The following KBTBD13 variants were observed in gnomAD, a reference collection of about 807,000 sequenced individuals.
KBTBD13 encodes kelch repeat and BTB domain-containing protein 13.
In KBTBD13, 32 loss-of-function variants were observed where a neutral mutation model predicts 25.4. That is an observed-to-expected ratio of 1.26 (90% CI 0.95 to 1.69). KBTBD13 has a LOEUF of 1.69. Ranked by LOEUF, KBTBD13 falls within the 40% of genes most tolerant of loss-of-function variation. The pLI, the probability that KBTBD13 is intolerant of heterozygous loss-of-function variation, is 0.00. For synonymous variants in KBTBD13, 436 were observed against 329.8 expected (o/e 1.32, Z -3.49); for missense variants, 898 against 679.5 (o/e 1.32, Z -3.57).
rs568613948 is a variant in KBTBD13, at chr15:65,077,784, C to G, written c.969C>G (p.Tyr323Ter). ...CCGACACCACCGCCGTGGTGGAGTA[C>G]GCAGTGCGGACCGACGCGTGGCTGC... ...RPADTTAVVE[Y>*]AVRTDAWLPV... The change falls in exon 1 of 1, where the codon TAC becomes TAG. Residue 323 changes from tyrosine to a stop codon, truncating the protein, a stop_gained. Coordinates refer to ENST00000432196, the MANE Select transcript of KBTBD13 (RefSeq NM_001101362.3). LOFTEE classifies it high-confidence loss of function. 3.1e-6 allele frequency: 5 copies of G among 1,587,698 alleles called. No individual in the cohort carries two copies. The South Asian group carries it at 3.4e-5, about 11-fold the overall frequency.
Position 65,077,304 on chromosome 15 carries a change from C to T in KBTBD13, c.489C>T (p.His163=). 2 of 1,413,042 alleles carry T rather than the reference C, an allele frequency of 1.4e-6. No individual in the cohort carries two copies. Among genetic ancestry groups the T allele is most frequent in the Non-Finnish European group, 1.8e-6 (2 of 1,088,398 alleles). The allele number at this position is 1,413,042 out of a possible 1,614,324, so 87.5% of individuals were successfully genotyped here. Reference sequence around the variant, plus strand: ...GCAGCTACGCGGCCGTGAGCACGCACACGCCCGCGCCCGGCTTCCTGGAGG... The same window carrying T: ...GCAGCTACGCGGCCGTGAGCACGCATACGCCCGCGCCCGGCTTCCTGGAGG... ...RPSSYAAVST[H]TPAPGFLEDA... is the part of the protein sequence containing the mutation. Residue 163 remains histidine (H), a synonymous_variant, in exon 1 of 1, where the codon CAC becomes CAT. Coordinates refer to ENST00000432196, the MANE Select transcript of KBTBD13 (RefSeq NM_001101362.3).
rs760757402 is a variant in KBTBD13 at position 65,076,937 on chromosome 15, G to T, written c.122G>T (p.Arg41Leu). Reference sequence around the variant, plus strand: ...CGAGGCCTCTTCCGCTCCGGCATGCGGGAGACCCGCGCAGCAGAGGTGCGC... The same window carrying T: ...CGAGGCCTCTTCCGCTCCGGCATGCTGGAGACCCGCGCAGCAGAGGTGCGC... ...FFRGLFRSGMRETRAAEVRLG... is the reference protein window; with the variant it reads ...FFRGLFRSGMLETRAAEVRLG... The change falls in exon 1 of 1, where the codon CGG becomes CTG. Residue 41 changes from arginine (R) to leucine (L), a missense_variant. By Grantham distance (102) the Arg-to-Leu change is moderately radical (BLOSUM62 -2). Transcript: ENST00000432196. 6.4e-7 allele frequency: 1 copy of T among 1,556,740 alleles called. No individual in the cohort carries two copies. Among genetic ancestry groups the T allele is most frequent in the East Asian group, 2.4e-5 (1 of 42,304 alleles).
In KBTBD13 at chr15:65,077,555, C is replaced by A. The variant is rs761257003; in HGVS notation, c.740C>A (p.Pro247Gln). Residue 247 changes from proline to glutamine, a missense_variant, in exon 1 of 1, where the codon CCG (proline) becomes CAG (glutamine). Transcript: ENST00000432196. ...CACGAGTTCCCCAGCCCGCACCAGC[C>A]GCGCTATGACACAGCGCTGGCCGGC... ...TWHEFPSPHQPRYDTALAGFD... is the reference protein window; with the variant it reads ...TWHEFPSPHQQRYDTALAGFD... 6.5e-7 allele frequency: 1 copy of A among 1,542,124 alleles called. No individual in the cohort carries two copies. Among genetic ancestry groups the A allele is most frequent in the Non-Finnish European group, 8.7e-7 (1 of 1,148,904 alleles).
rs2140545087 is a variant in KBTBD13, at chr15:65,077,708, T to A, written c.893T>A (p.Val298Glu). ...VADLPQPAAG[V>E]PCAQACGRLF... The stretch of plus-strand genomic sequence containing the variant: ...GACCTGCCGCAGCCGGCCGCCGGCG[T>A]GCCCTGCGCCCAGGCTTGTGGCCGT... The change falls in exon 1 of 1, where the codon GTG becomes GAG. Residue 298 changes from valine (V) to glutamate (E), a missense_variant. Physicochemically the swap from Val to Glu is moderately radical, Grantham distance 121. Transcript: ENST00000432196. 1 of 1,583,052 alleles carries A rather than the reference T, an allele frequency of 6.3e-7. No individual in the cohort carries two copies. The highest frequency in any genetic ancestry group is 1.3e-5 in the African/African-American group (1 of 74,430).
Position 65,077,510 on chromosome 15 carries a change from A to G in KBTBD13, c.695A>G (p.Asp232Gly). The part of the protein sequence containing the change: ...KEVVELGFCY[D>G]PDGGTWHEFP... Reference sequence around the variant, plus strand: ...GTGGTAGAGCTGGGCTTCTGCTACGACCCCGACGGCGGCACGTGGCACGAG... The same window carrying G: ...GTGGTAGAGCTGGGCTTCTGCTACGGCCCCGACGGCGGCACGTGGCACGAG... The change falls in exon 1 of 1, where the codon GAC (aspartate) becomes GGC (glycine). Residue 232 changes from aspartate (D) to glycine (G), a missense_variant. Coordinates refer to ENST00000432196, the MANE Select transcript of KBTBD13 (RefSeq NM_001101362.3). The G allele has an allele frequency of 2.0e-6, 3 of 1,522,286 alleles. No homozygotes were observed. The highest frequency in any genetic ancestry group is 2.5e-5 in the East Asian group (1 of 40,450). 94.3% of individuals were successfully genotyped at this position (1,522,286 alleles called of 1,614,324 possible).
chr15:65,077,701 G>T lies in KBTBD13; in HGVS notation c.886G>T (p.Ala296Ser), dbSNP rs777812954. The change falls in exon 1 of 1, where the codon GCC (alanine) becomes TCC (serine). Residue 296 changes from alanine to serine, a missense_variant. Ala to Ser is a moderately conservative substitution (Grantham distance 99). Coordinates refer to ENST00000432196, the MANE Select transcript of KBTBD13 (RefSeq NM_001101362.3). Reference protein sequence around the residue: ...SFVADLPQPAAGVPCAQACGR... With the variant: ...SFVADLPQPASGVPCAQACGR... ...CGTGGCCGACCTGCCGCAGCCGGCC[G>T]CCGGCGTGCCCTGCGCCCAGGCTTG... The T allele has an allele frequency of 1.3e-6, 2 of 1,578,356 alleles. No homozygotes were observed. The highest frequency in any genetic ancestry group is 2.3e-5 in the East Asian group (1 of 43,898).
chr15:65,077,424 G>A lies in KBTBD13; in HGVS notation c.609G>A (p.Gly203=), dbSNP rs755363956. The A allele has an allele frequency of 4.6e-6, 7 of 1,528,174 alleles. No homozygotes were observed. The Admixed American group carries it at 1.2e-4, about 26-fold the overall frequency. The allele number at this position is 1,528,174 out of a possible 1,614,324, so 94.7% of individuals were successfully genotyped here. Residue 203 remains glycine (G), a synonymous_variant, in exon 1 of 1, where the codon GGG becomes GGA. Transcript: ENST00000432196. ...TGGAGGCCAGCACGTTGCTGGCCGG[G>A]GTGGCCACGCTGGGCAACAAGCTTT... is the stretch of plus-strand genomic sequence containing the variant. ...LPLEASTLLA[G]VATLGNKLYI... is the part of the protein sequence containing the mutation.
In KBTBD13 at chr15:65,077,573, TGGCCGGCTTCGACGGCCGCCTCTA is replaced by T; in HGVS notation, c.759_782del (p.Gly255_Ala262del). 6.4e-7 allele frequency: 1 copy of T among 1,558,600 alleles called. No homozygotes were observed. The highest frequency in any genetic ancestry group is 1.2e-5 in the South Asian group (1 of 85,768). On this transcript the variant is annotated inframe_deletion, in exon 1 of 1. Coordinates refer to ENST00000432196, the MANE Select transcript of KBTBD13 (RefSeq NM_001101362.3). Reference sequence around the variant, plus strand: ...CACCAGCCGCGCTATGACACAGCGCTGGCCGGCTTCGACGGCCGCCTCTACGCCATCGGCGGCGAATTCCAGAGG... The same window carrying T: ...CACCAGCCGCGCTATGACACAGCGCTCGCCATCGGCGGCGAATTCCAGAGG...
rs1053769950 is a variant in KBTBD13 at position 65,078,465 on chromosome 15, G to A, written c.*273G>A. On this transcript the variant is annotated 3_prime_UTR_variant, in exon 1 of 1. Transcript: ENST00000432196. ...GGATTTGAATAATCCGGGCTTATAT[G>A]TAATGGGCTAGTGATTGAGCATCGC... 6.6e-6 allele frequency among the ~76,000 whole-genome samples: 1 copy of A among 152,198 alleles called. No individual in the cohort carries two copies. Among genetic ancestry groups the A allele is most frequent in the African/African-American group, 2.4e-5 (1 of 41,446 alleles).
rs770172865 is a variant in KBTBD13, at chr15:65,077,076, C to A, written c.261C>A (p.Phe87Leu). The change falls in exon 1 of 1, where the codon TTC (phenylalanine) becomes TTA (leucine). Residue 87 changes from phenylalanine (F) to leucine (L), a missense_variant. Coordinates refer to ENST00000432196, the MANE Select transcript of KBTBD13 (RefSeq NM_001101362.3). ...TGCAGGCCGTGGAGTGCGCCGCCTT[C>A]CTCCAGGCGCCGGCGCTGGCTCGCT... The part of the protein sequence containing the change: ...ELLQAVECAA[F>L]LQAPALARFL... 2.0e-6 allele frequency: 3 copies of A among 1,515,472 alleles called. No homozygotes were observed. The highest frequency in any genetic ancestry group is 2.6e-6 in the Non-Finnish European group (3 of 1,133,996). The allele number at this position is 1,515,472 out of a possible 1,614,324, so 93.9% of individuals were successfully genotyped here. A position where few individuals can be genotyped will look rare whatever the true frequency, so the allele number is the denominator to read the frequency against.
chr15:65,077,848 T>C lies in KBTBD13; in HGVS notation c.1033T>C (p.Cys345Arg). ...ELRRPQSYGHCMVAHRDSLYV... is the reference protein window; with the variant it reads ...ELRRPQSYGHRMVAHRDSLYV... ...GCGGCGTCCGCAGAGCTATGGCCAC[T>C]GCATGGTGGCCCACCGCGACAGCCT... The change falls in exon 1 of 1, where the codon TGC (cysteine) becomes CGC (arginine). Residue 345 changes from cysteine to arginine, a missense_variant. Cys to Arg is a radical substitution (Grantham distance 180, BLOSUM62 -3). Transcript: ENST00000432196. 6.2e-7 allele frequency: 1 copy of C among 1,610,586 alleles called. No homozygotes were observed. Among genetic ancestry groups the C allele is most frequent in the Non-Finnish European group, 8.5e-7 (1 of 1,179,678 alleles).
At position 65,077,403 on chromosome 15, in the gene KBTBD13, G is replaced by A. The variant is rs2086991061; in HGVS notation, c.588G>A (p.Glu196=). Residue 196 remains glutamate (E), a synonymous_variant, in exon 1 of 1, where the codon GAG becomes GAA. Coordinates refer to ENST00000432196, the MANE Select transcript of KBTBD13 (RefSeq NM_001101362.3). ...GCACGCTGGCTGCGCTGCCCCTGGA[G>A]GCCAGCACGTTGCTGGCCGGGGTGG... ...AWRTLAALPL[E]ASTLLAGVAT... 12 of 1,525,856 alleles carry A rather than the reference G, an allele frequency of 7.9e-6. No homozygotes were observed. Among genetic ancestry groups the A allele is most frequent in the Non-Finnish European group, 8.8e-6 (10 of 1,140,792 alleles). The allele number at this position is 1,525,856 out of a possible 1,614,324, so 94.5% of individuals were successfully genotyped here. A position where few individuals can be genotyped will look rare whatever the true frequency, so the allele number is the denominator to read the frequency against.
At position 65,077,260 on chromosome 15, in the gene KBTBD13, G is replaced by A. The variant is rs932198141; in HGVS notation, c.445G>A (p.Val149Met). 2.2e-5 allele frequency: 31 copies of A among 1,403,586 alleles called. No homozygotes were observed. The highest frequency in any genetic ancestry group is 2.9e-5 in the Non-Finnish European group (31 of 1,084,542). 86.9% of individuals were successfully genotyped at this position (1,403,586 alleles called of 1,614,324 possible). Residue 149 changes from valine to methionine, a missense_variant, in exon 1 of 1, where the codon GTG (valine) becomes ATG (methionine). Val to Met is a conservative substitution (Grantham distance 21). Transcript: ENST00000432196. ...ELALPEARAY[V>M]AALRPSSYAA... Reference sequence around the variant, plus strand: ...GGCGCTGCCTGAGGCCCGCGCCTACGTGGCGGCCCTGCGGCCCAGCAGCTA... The same window carrying A: ...GGCGCTGCCTGAGGCCCGCGCCTACATGGCGGCCCTGCGGCCCAGCAGCTA...
rs1246417118 is a variant in KBTBD13, at chr15:65,079,802, C to T, written c.*1610C>T. The stretch of plus-strand genomic sequence containing the variant: ...GACACCTCCGGGGCATGGAGGCTCG[C>T]GCCAGGGCTGCACCTAGCTGCCTCT... On this transcript the variant is annotated 3_prime_UTR_variant, in exon 1 of 1. Transcript: ENST00000432196. Among the ~76,000 whole-genome samples, 2 of 152,220 alleles carry T rather than the reference C, an allele frequency of 1.3e-5. No individual in the cohort carries two copies. Among genetic ancestry groups the T allele is most frequent in the African/African-American group, 4.8e-5 (2 of 41,442 alleles).
At position 65,077,971 on chromosome 15, in the gene KBTBD13, T is replaced by G; in HGVS notation, c.1156T>G (p.Phe386Val). The change falls in exon 1 of 1, where the codon TTC becomes GTC. Residue 386 changes from phenylalanine (F) to valine (V), a missense_variant. Physicochemically the swap from Phe to Val is conservative, Grantham distance 50. Coordinates refer to ENST00000432196, the MANE Select transcript of KBTBD13 (RefSeq NM_001101362.3). ...CCAGTGGACGGCGCTGCCCGGCCAG[T>G]TCGTCAACAGCAAGGGAGCGCTCTT... ...TGQWTALPGQ[F>V]VNSKGALFTA... is the part of the protein sequence containing the mutation. 1 of 1,611,090 alleles carries G rather than the reference T, an allele frequency of 6.2e-7. No individual in the cohort carries two copies. Among genetic ancestry groups the G allele is most frequent in the Non-Finnish European group, 8.5e-7 (1 of 1,179,804 alleles).
rs1345547708 is a variant in KBTBD13, at chr15:65,077,274, G to A, written c.459G>A (p.Arg153=). Residue 153 remains arginine, a synonymous_variant, in exon 1 of 1, where the codon CGG becomes CGA. Coordinates refer to ENST00000432196, the MANE Select transcript of KBTBD13 (RefSeq NM_001101362.3). The part of the protein sequence containing the change: ...PEARAYVAAL[R]PSSYAAVSTH... ...CCCGCGCCTACGTGGCGGCCCTGCGGCCCAGCAGCTACGCGGCCGTGAGCA... is the reference window on the plus strand; with the variant it reads ...CCCGCGCCTACGTGGCGGCCCTGCGACCCAGCAGCTACGCGGCCGTGAGCA... The A allele has an allele frequency of 7.1e-7, 1 of 1,400,186 alleles. No homozygotes were observed. Among genetic ancestry groups the A allele is most frequent in the Non-Finnish European group, 9.2e-7 (1 of 1,083,552 alleles). The allele number at this position is 1,400,186 out of a possible 1,614,324, so 86.7% of individuals were successfully genotyped here. A position where few individuals can be genotyped will look rare whatever the true frequency, so the allele number is the denominator to read the frequency against.
At position 65,079,102 on chromosome 15, in the gene KBTBD13, G is replaced by A. The variant is rs865802126; in HGVS notation, c.*910G>A. 1.3e-4 allele frequency among the ~76,000 whole-genome samples: 20 copies of A among 152,220 alleles called. No individual in the cohort carries two copies. Among genetic ancestry groups the A allele is most frequent in the African/African-American group, 4.8e-4 (20 of 41,446 alleles). ...GTTCCTTTTTGGAACCCTTAGGGGA[G>A]CACCCAGGTGTAAGCCCTTGCCCAC... On this transcript the variant is annotated 3_prime_UTR_variant, in exon 1 of 1. Coordinates refer to ENST00000432196, the MANE Select transcript of KBTBD13 (RefSeq NM_001101362.3).
In KBTBD13 at chr15:65,077,145, C is replaced by A. The variant is rs1198648901; in HGVS notation, c.330C>A (p.Cys110Ter). The change falls in exon 1 of 1, where the codon TGC becomes TGA. Residue 110 changes from cysteine to a stop codon, truncating the protein, a stop_gained. Transcript: ENST00000432196. LOFTEE classifies it high-confidence loss of function. The part of the protein sequence containing the change: ...NLTSDNCALL[C>*]DAAAAFGLRD... ...CGTCGGACAACTGCGCATTGCTGTG[C>A]GACGCGGCCGCCGCCTTCGGCCTGC... The A allele has an allele frequency of 2.0e-6, 3 of 1,514,576 alleles. No individual in the cohort carries two copies. In the Admixed American group the frequency reaches 6.1e-5, roughly 31 times the overall value. 93.8% of individuals were successfully genotyped at this position (1,514,576 alleles called of 1,614,324 possible). A position where few individuals can be genotyped will look rare whatever the true frequency, so the allele number is the denominator to read the frequency against.
rs914591905 is a variant in KBTBD13 at position 65,077,106 on chromosome 15, G to A, written c.291G>A (p.Leu97=). The A allele has an allele frequency of 1.2e-5, 19 of 1,523,314 alleles. No individual in the cohort carries two copies. The highest frequency in any genetic ancestry group is 4.0e-5 in the Admixed American group (2 of 49,770). The allele number at this position is 1,523,314 out of a possible 1,614,324, so 94.4% of individuals were successfully genotyped here. A position where few individuals can be genotyped will look rare whatever the true frequency, so the allele number is the denominator to read the frequency against. The change falls in exon 1 of 1, where the codon CTG becomes CTA. Residue 97 remains leucine (L), a synonymous_variant. Coordinates refer to ENST00000432196, the MANE Select transcript of KBTBD13 (RefSeq NM_001101362.3). The part of the protein sequence containing the change: ...FLQAPALARF[L]EHNLTSDNCA... ...AGGCGCCGGCGCTGGCTCGCTTTCT[G>A]GAGCACAACCTCACGTCGGACAACT... is the stretch of plus-strand genomic sequence containing the variant.
Sources: gnomAD v4.1 joint callset for allele counts (sites outside exome capture counted in the v4.1 genomes callset) on GRCh38, gnomAD v4.1.1 for gene constraint, MANE v1.5 for transcripts, NCBI Gene and HGNC (gene_info 2026-07-23, HGNC 2026-07-21) for gene names.